MED16: variants seen among roughly 807,000 people sequenced by gnomAD.
The protein encoded by MED16 is mediator complex subunit 16.
MED16 carries 81 observed loss-of-function variants against 84.4 expected under a neutral mutation model. That is an observed-to-expected ratio of 0.96 (90% CI 0.80 to 1.15). MED16 has a LOEUF of 1.15. MED16 is among the 50% of genes most tolerant of loss of function. The probability of loss-of-function intolerance (pLI) is 0.00; values close to 1 mark genes in which losing one functional copy is unlikely to be tolerated. For missense variants in MED16, 1,585 were observed against 1,245.9 expected, an observed-to-expected ratio of 1.27 and a Z score of -4.10; for synonymous variants, 897 against 552.2, an observed-to-expected ratio of 1.62 and a Z score of -8.76.
Position 877,067 on chromosome 19 carries a change from C to A in MED16, c.1467G>T (p.Trp489Cys). ...TGGGCTGCACGTGCAGCAGGATGTC[C>A]CACCAGTCGTAGCCGGTCACCATGC... ...EYCMVTGYDW[W>C]DILLHVQPSM... The change falls in exon 9 of 16, where the codon TGG (tryptophan) becomes TGT (cysteine). Residue 489 changes from tryptophan to cysteine, a missense_variant. Trp to Cys is a radical substitution (Grantham distance 215). Coordinates refer to ENST00000325464, the MANE Select transcript of MED16 (RefSeq NM_005481.3). 1.2e-6 allele frequency: 2 copies of A among 1,612,724 alleles called. No homozygotes were observed. Among genetic ancestry groups the A allele is most frequent in the Non-Finnish European group, 1.7e-6 (2 of 1,179,914 alleles).
At chr19:886,666 AG>A (rs1158993592) in intron 4 of MED16, among the ~76,000 whole-genome samples, 1 of 152,252 alleles carries the variant, frequency 6.6e-6, no homozygotes, top group Non-Finnish European at 1.5e-5. Context: ...GCACTCAGGA[AG>A]TGCTGTGTAA....
chr19:874,867 C>A (rs928125508), intron 10 of MED16, among the ~76,000 whole-genome samples: 3 of 152,062 alleles, frequency 2.0e-5, no homozygotes, highest in African/African-American at 7.2e-5. Context: ...GAGACCGTCT[C>A]TAAAAGCCTG....
Position 872,104 on chromosome 19 carries a change from C to A in MED16, c.1920G>T (p.Arg640Ser), listed in dbSNP as rs1247696108. The change falls in exon 12 of 16, where the codon AGG becomes AGT. Residue 640 changes from arginine (R) to serine (S), a missense_variant. Arg to Ser is a moderately radical substitution (Grantham distance 110). Coordinates refer to ENST00000325464, the MANE Select transcript of MED16 (RefSeq NM_005481.3). ...CGTCCCGCAGAAAGCTGTGGCCCGGCCTCAGCAGGGAACCCTGCCCGAAAG... is the reference window on the plus strand; with the variant it reads ...CGTCCCGCAGAAAGCTGTGGCCCGGACTCAGCAGGGAACCCTGCCCGAAAG... Reference protein sequence around the residue: ...ASLPNQGSLLRPGHSFLRDGT... With the variant: ...ASLPNQGSLLSPGHSFLRDGT... 3 of 1,605,068 alleles carry A rather than the reference C, an allele frequency of 1.9e-6. No homozygotes were observed. Among genetic ancestry groups the A allele is most frequent in the African/African-American group, 1.3e-5 (1 of 74,378 alleles).
chr19:872,485 G>A (rs1220783054), intron 11 of MED16, among the ~76,000 whole-genome samples: 1 of 152,080 alleles, frequency 6.6e-6, no homozygotes, highest in Admixed American at 6.5e-5. Context: ...ACCAGGGAAG[G>A]GAGGCCCCAG....
intron 6 of MED16, among the ~76,000 whole-genome samples, chr19:883,425 C>T (rs1196260794): frequency 9.1e-6 from 1 of 109,868 alleles, no homozygotes; most frequent in African/African-American, 3.8e-5. Flanking sequence ...ACGGTGGGCA[C>T]GTGGGGCGGT....
chr19:875,501 C>G, intron 9 of MED16, 47 bp from the exon 10 acceptor site: 2 of 1,455,232 alleles, frequency 1.4e-6, no homozygotes, highest in East Asian at 2.4e-5. Context: ...AGCAGAGGCG[C>G]CCGCCAAGGC....
At chr19:876,933 C>CCACCTGCCACGGGG in intron 9 of MED16, 41 bp downstream of exon 9, 1 of 1,473,106 alleles carries the variant, frequency 6.8e-7, no homozygotes, top group South Asian at 1.3e-5. Context: ...TGCCACAGGG[C>CCACCTGCCACGGGG]CCCCACCTGC....
chr19:871,584 AGG>A, intron 12 of MED16: 2 of 1,595,786 alleles, frequency 1.3e-6, no homozygotes, highest in Non-Finnish European at 1.7e-6. Flanking sequence ...CAACCCGACA[AGG>A]AGAGACAGCA....
rs562068194 is a variant in MED16, at chr19:868,321, GGCTCAGGGGCA to G, written c.2484-81_2484-71del. 1,206 of 1,572,428 alleles carry G rather than the reference GGCTCAGGGGCA, an allele frequency of 7.7e-4. 8 individuals are homozygous for G. In the East Asian group the frequency reaches 0.016, roughly 21 times the overall value. ...CGAGCGGTGGCTCTTGCAGCAGCCG[GGCTCAGGGGCA>G]GCTGAGGGGTAGCTGAGGAGTAGCT... On this transcript the variant is annotated intron_variant, in intron 15 of 15. Transcript: ENST00000325464.
At chr19:882,024 C>T (rs533811246) in intron 6 of MED16, among the ~76,000 whole-genome samples, 9 of 152,348 alleles carry the variant, frequency 5.9e-5, no homozygotes, top group Admixed American at 2.6e-4. Flanking sequence ...AGACCTGCAG[C>T]CATGCAAACC....
rs748985687 is a variant in MED16, at chr19:868,342, TAGCTGAGGAGTAGCTGAGGGGC to T, written c.2483+52_2483+73del. 1.1e-3 allele frequency: 1,744 copies of T among 1,592,374 alleles called. 4 individuals carry two copies. The highest frequency in any genetic ancestry group is 1.4e-3 in the Non-Finnish European group (1,627 of 1,173,850). ...GCCGGGCTCAGGGGCAGCTGAGGGG[TAGCTGAGGAGTAGCTGAGGGGC>T]AGCTGGGCTCAGGGGTAGCTGAGGG... On this transcript the variant is annotated intron_variant, in intron 15 of 15. Transcript: ENST00000325464.
chr19:888,403 A>T (rs146823516), intron 4 of MED16, among the ~76,000 whole-genome samples: 2,091 of 151,732 alleles, frequency 0.014, 19 homozygotes, highest in Middle Eastern at 0.051. Context: ...GGGTGCCTGT[A>T]ATCCCAGCTA....
At chr19:871,708 G>A (rs757819639) in intron 12 of MED16, 14 of 1,376,820 alleles carry the variant, frequency 1.0e-5, no homozygotes, top group African/African-American at 1.5e-5. Flanking sequence ...CCACCTGCAG[G>A]GGCTTATGTT....
At chr19:882,782 C>G (rs2036446851) in intron 6 of MED16, among the ~76,000 whole-genome samples, 1 of 152,248 alleles carries the variant, frequency 6.6e-6, no homozygotes, top group African/African-American at 2.4e-5. Context: ...TCGGCTGAAG[C>G]TGACTACCAC....
Position 871,985 on chromosome 19 carries a change from G to C in MED16, c.2039C>G (p.Ser680Trp). ...CAGGGACATGCTGTCCTGGGTATCC[G>C]AGGTGGCCGTATACACGGGCAGGCA... ...PSCLPVYTAT[S>W]DTQDSMSLLF... is the part of the protein sequence containing the mutation. Residue 680 changes from serine (S) to tryptophan (W), a missense_variant, in exon 12 of 16, where the codon TCG (serine) becomes TGG (tryptophan). By Grantham distance (177) the Ser-to-Trp change is radical. Coordinates refer to ENST00000325464, the MANE Select transcript of MED16 (RefSeq NM_005481.3). 7.5e-6 allele frequency: 12 copies of C among 1,608,104 alleles called. No individual in the cohort carries two copies. Among genetic ancestry groups the C allele is most frequent in the African/African-American group, 1.4e-5 (1 of 73,824 alleles).
intron 8 of MED16, among the ~76,000 whole-genome samples, chr19:877,616 C>G (rs1411928927): frequency 1.1e-5 from 1 of 91,684 alleles, no homozygotes; most frequent in African/African-American, 4.8e-5. Context: ...TCCCTTCCCC[C>G]GGGGGCGCCT....
At chr19:876,944 C>CACGGGGCCCCACCTGCT in intron 9 of MED16, 30 bp downstream of exon 9, 2 of 1,583,526 alleles carry the variant, frequency 1.3e-6, no homozygotes, top group East Asian at 2.3e-5. Flanking sequence ...CCCCACCTGC[C>CACGGGGCCCCACCTGCT]ACGGGGCCCC....
intron 5 of MED16, among the ~76,000 whole-genome samples, chr19:885,567 G>A (rs577484524): frequency 3.3e-5 from 5 of 152,232 alleles, no homozygotes; most frequent in African/African-American, 7.2e-5. Context: ...GGAGGAAGGC[G>A]CCCCGAACCG....
intron 11 of MED16, among the ~76,000 whole-genome samples, chr19:872,403 C>G (rs1266023513): frequency 6.6e-6 from 1 of 152,056 alleles, no homozygotes; most frequent in Non-Finnish European, 1.5e-5. Flanking sequence ...CCCACCTGCA[C>G]GTGGAGGAGC....
Sources: gnomAD v4.1 joint callset for allele counts (sites outside exome capture counted in the v4.1 genomes callset) on GRCh38, gnomAD v4.1.1 for gene constraint, MANE v1.5 for transcripts, NCBI Gene and HGNC (gene_info 2026-07-23, HGNC 2026-07-21) for gene names.